Variants in SH3GL1 observed in about 807,000 individuals in gnomAD.
SH3GL1 encodes endophilin-A2.
SH3GL1 carries 21 observed loss-of-function variants against 48.8 expected under a neutral mutation model. The observed-to-expected ratio is 0.43, with a 90% CI of 0.30 to 0.62. SH3GL1 has a LOEUF of 0.62. Ranked by LOEUF, SH3GL1 falls within the 20% of genes least tolerant of loss-of-function variation. The pLI is 0.11. For synonymous variants in SH3GL1, 282 were observed against 217.5 expected (o/e 1.30, Z -2.61); for missense variants, 454 against 503.0 (o/e 0.90, Z 0.93).
chr19:4,389,822 C>G lies in SH3GL1; in HGVS notation c.45+10502G>C, dbSNP rs1043210595. Among the ~76,000 whole-genome samples the G allele has an allele frequency of 1.3e-5, 2 of 152,340 alleles. No homozygotes were observed. The highest frequency in any genetic ancestry group is 2.1e-4 in the South Asian group (1 of 4,830). On this transcript the variant is annotated intron_variant, in intron 1 of 9. Transcript: ENST00000269886. The surrounding 1 kb of genome is among the most constrained non-coding windows in gnomAD (Gnocchi z 4.5). ...CAATGGGCTCATATTCCAGTGGCAA[C>G]GGCAATGGAATAATCACTCCCATTG...
intron 6 of SH3GL1, 22 bp from the exon 7 acceptor site, chr19:4,363,495 G>C: frequency 6.3e-7 from 1 of 1,598,418 alleles, no homozygotes; most frequent in Non-Finnish European, 8.6e-7. Flanking sequence ...GTAGGGCTCA[G>C]GGGCTCCTGC....
intron 1 of SH3GL1, among the ~76,000 whole-genome samples, chr19:4,382,257 T>C (rs1044357328): frequency 8.0e-5 from 11 of 137,974 alleles, no homozygotes; most frequent in African/African-American, 1.6e-4. Context: ...CGCTTTCTTT[T>C]TTTTTTTTTT....
At chr19:4,361,923 C>T in intron 9 of SH3GL1, 127 bp from the exon 10 acceptor site, 2 of 680,060 alleles carry the variant, frequency 2.9e-6, no homozygotes, top group Admixed American at 2.6e-5. Flanking sequence ...CTGCCTGGGC[C>T]ACCCCCTGCC....
At position 4,367,506 on chromosome 19, in the gene SH3GL1, G is replaced by T. The variant is rs1182001425; in HGVS notation, c.46-512C>A. On this transcript the variant is annotated intron_variant, in intron 1 of 9. Coordinates refer to ENST00000269886, the MANE Select transcript of SH3GL1 (RefSeq NM_003025.4). This position sits in a 1 kb window ranked among gnomAD's most constrained non-coding sequence, Gnocchi z 4.2. ...GAAGAGGTGCAGGCAGCCGGGCAGGGAGGCCGCCATTCTCCTGTGCTCTGG... is the reference window on the plus strand; with the variant it reads ...GAAGAGGTGCAGGCAGCCGGGCAGGTAGGCCGCCATTCTCCTGTGCTCTGG... Among the ~76,000 whole-genome samples, 1 of 152,186 alleles carries T rather than the reference G, an allele frequency of 6.6e-6. No homozygotes were observed. The highest frequency in any genetic ancestry group is 2.4e-5 in the African/African-American group (1 of 41,444).
At chr19:4,384,860 C>G (rs243405) in intron 1 of SH3GL1, among the ~76,000 whole-genome samples, 1 of 152,190 alleles carries the variant, frequency 6.6e-6, no homozygotes, top group South Asian at 2.1e-4. Context: ...TCCCAGCACT[C>G]TGGGAGGCCA....
At chr19:4,399,402 G>C (rs1216426616) in intron 1 of SH3GL1, among the ~76,000 whole-genome samples, 2 of 151,222 alleles carry the variant, frequency 1.3e-5, no homozygotes, top group African/African-American at 4.9e-5. Context: ...AAGGAAGGGA[G>C]GAAGGAAAGA....
In SH3GL1 at chr19:4,361,804, C is replaced by G; in HGVS notation, c.911-8G>C. ...TCGGCTGGTCCAGGGGCGCTGGGGG[C>G]GGGAGCGGGCTGTGGGGCTGGGGCT... On this transcript the variant is annotated splice_polypyrimidine_tract_variant and splice_region_variant and intron_variant, in intron 9 of 9. Coordinates refer to ENST00000269886, the MANE Select transcript of SH3GL1 (RefSeq NM_003025.4). 6.3e-7 allele frequency: 1 copy of G among 1,598,064 alleles called. No individual in the cohort carries two copies. Among genetic ancestry groups the G allele is most frequent in the Non-Finnish European group, 8.5e-7 (1 of 1,174,574 alleles).
At chr19:4,362,935 G>C (rs1476727053) in intron 7 of SH3GL1, among the ~76,000 whole-genome samples, 199 bp from the exon 8 acceptor site, 1 of 152,142 alleles carries the variant, frequency 6.6e-6, no homozygotes, top group East Asian at 1.9e-4. Context: ...CCCCACCTTG[G>C]AGGCATCCCA....
rs531253019 is a variant in SH3GL1 at position 4,369,979 on chromosome 19, C to T, written c.46-2985G>A. ...CCACGTGCAGCGCCGGCCGCAAGCG[C>T]GGAAACCAAGCGTGGGCTCCTGCCC... On this transcript the variant is annotated intron_variant, in intron 1 of 9. Coordinates refer to ENST00000269886, the MANE Select transcript of SH3GL1 (RefSeq NM_003025.4). Among the ~76,000 whole-genome samples the T allele has an allele frequency of 6.6e-5, 10 of 152,388 alleles. 1 individual carries two copies. The highest frequency in any genetic ancestry group is 3.9e-4 in the Admixed American group (6 of 15,314).
Position 4,366,637 on chromosome 19 carries a change from C to T in SH3GL1, c.115-64G>A, listed in dbSNP as rs1225883229. 29 of 1,435,980 alleles carry T rather than the reference C, an allele frequency of 2.0e-5. No individual in the cohort carries two copies. The East Asian group carries it at 3.0e-4, about 15-fold the overall frequency. The allele number at this position is 1,435,980 out of a possible 1,614,324, so 89.0% of individuals were successfully genotyped here. ...GGGGGCCCAAGGCACACAAGACCCC[C>T]GCTGCTGCACCGCCTCCTGCCCTAA... is the stretch of plus-strand genomic sequence containing the variant. On this transcript the variant is annotated intron_variant, in intron 2 of 9. Coordinates refer to ENST00000269886, the MANE Select transcript of SH3GL1 (RefSeq NM_003025.4).
rs1375609170 is a variant in SH3GL1, at chr19:4,389,674, G to C, written c.45+10650C>G. On this transcript the variant is annotated intron_variant, in intron 1 of 9. Coordinates refer to ENST00000269886, the MANE Select transcript of SH3GL1 (RefSeq NM_003025.4). This position sits in a 1 kb window ranked among gnomAD's most constrained non-coding sequence, Gnocchi z 4.5. Reference sequence around the variant, plus strand: ...ACTCGACACGAGGCCATCCGCTGTAGGGTGGGGGCCACGGTGGCCCATCCG... The same window carrying C: ...ACTCGACACGAGGCCATCCGCTGTACGGTGGGGGCCACGGTGGCCCATCCG... 3.3e-5 allele frequency among the ~76,000 whole-genome samples: 5 copies of C among 152,224 alleles called. No individual in the cohort carries two copies. The highest frequency in any genetic ancestry group is 2.6e-4 in the Admixed American group (4 of 15,288).
At position 4,369,823 on chromosome 19, in the gene SH3GL1, G is replaced by A. The variant is rs118121443; in HGVS notation, c.46-2829C>T. 1.3e-3 allele frequency among the ~76,000 whole-genome samples: 199 copies of A among 152,372 alleles called. 2 individuals are homozygous for A. The East Asian group carries it at 0.034, about 26-fold the overall frequency. Reference sequence around the variant, plus strand: ...TGTGGTGACTGATGGTCCCCCACGGGCCAGGCACTGGGCAGGGGACACAAC... The same window carrying A: ...TGTGGTGACTGATGGTCCCCCACGGACCAGGCACTGGGCAGGGGACACAAC... On this transcript the variant is annotated intron_variant, in intron 1 of 9. Coordinates refer to ENST00000269886, the MANE Select transcript of SH3GL1 (RefSeq NM_003025.4).
intron 2 of SH3GL1, 97 bp from the exon 3 acceptor site, chr19:4,366,670 T>G: frequency 8.4e-7 from 1 of 1,186,550 alleles, no homozygotes; most frequent in East Asian, 2.4e-5. Flanking sequence ...TAAGAGCCCA[T>G]ACCAGGACCC....
intron 1 of SH3GL1, among the ~76,000 whole-genome samples, chr19:4,372,578 G>A (rs1972924074): frequency 6.6e-6 from 1 of 152,186 alleles, no homozygotes; most frequent in Non-Finnish European, 1.5e-5. Context: ...GAGGGCAGGG[G>A]CAAAGGATGT....
chr19:4,374,389 C>G (rs1295142183), intron 1 of SH3GL1, among the ~76,000 whole-genome samples: 1 of 152,194 alleles, frequency 6.6e-6, no homozygotes, highest in East Asian at 1.9e-4. Flanking sequence ...GCCGGAGGCT[C>G]CGTGAGGGCA....
chr19:4,364,133 A>C lies in SH3GL1; in HGVS notation c.420T>G (p.Ile140Met). 1.9e-6 allele frequency: 3 copies of C among 1,613,806 alleles called. No homozygotes were observed. The highest frequency in any genetic ancestry group is 2.5e-6 in the Non-Finnish European group (3 of 1,180,008). ...TCTCGCACAGGTTCTGGAGGGGGTC[A>C]ATGAAGTTCTGCTTGACCTCGATGT... ...SLDIEVKQNF[I>M]DPLQNLCEKD... Residue 140 changes from isoleucine to methionine, a missense_variant, in exon 5 of 10, where the codon ATT (isoleucine) becomes ATG (methionine). This residue lies in a region of SH3GL1 where 176 missense variants were observed against 256.2 expected (regional missense o/e 0.69). Transcript: ENST00000269886.
Position 4,366,638 on chromosome 19 carries a change from G to A in SH3GL1, c.115-65C>T, listed in dbSNP as rs376502096. ...GGGGCCCAAGGCACACAAGACCCCC[G>A]CTGCTGCACCGCCTCCTGCCCTAAG... On this transcript the variant is annotated intron_variant, in intron 2 of 9. Transcript: ENST00000269886. 364 of 1,427,640 alleles carry A rather than the reference G, an allele frequency of 2.5e-4. 1 individual carries two copies. In the African/African-American group the frequency reaches 4.5e-3, roughly 18 times the overall value. 88.4% of individuals were successfully genotyped at this position (1,427,640 alleles called of 1,614,324 possible).
intron 1 of SH3GL1, among the ~76,000 whole-genome samples, chr19:4,391,284 C>T (rs150755129): frequency 1.3e-5 from 2 of 152,222 alleles, no homozygotes; most frequent in East Asian, 1.9e-4. Context: ...AATGTGACAG[C>T]CCCCAATTTC....
intron 1 of SH3GL1, among the ~76,000 whole-genome samples, chr19:4,370,226 G>A (rs1001224724): frequency 6.6e-6 from 1 of 152,208 alleles, no homozygotes; most frequent in African/African-American, 2.4e-5. Context: ...AGACCCTACC[G>A]GTGGGGAGGG....
Sources: allele counts gnomAD v4.1 joint callset (sites outside exome capture counted in the v4.1 genomes callset), GRCh38; gene constraint gnomAD v4.1.1; regional missense constraint gnomAD v4.1.1; non-coding constraint Gnocchi (gnomAD v3.1); transcripts MANE v1.5; gene names NCBI Gene and HGNC (gene_info 2026-07-23, HGNC 2026-07-21).